Variants in GAS2L3 observed in about 807,000 individuals in gnomAD.
GAS2L3 encodes GAS2-like protein 3.
In GAS2L3, 28 loss-of-function variants were observed where a neutral mutation model predicts 37.0. The observed-to-expected ratio is 0.76, with a 90% CI of 0.56 to 1.04. The LOEUF (loss-of-function observed/expected upper bound fraction) is 1.04. GAS2L3 is among the 50% of genes least tolerant of loss of function. The pLI is 0.00. For missense variants in GAS2L3, 793 were observed against 817.6 expected (o/e 0.97, Z 0.37); for synonymous variants, 290 against 296.6 (o/e 0.98, Z 0.23).
chr12:100,589,754 C>A (rs1350177826), intron 1 of GAS2L3, among the ~76,000 whole-genome samples: 1 of 152,054 alleles, frequency 6.6e-6, no homozygotes, highest in African/African-American at 2.4e-5. Context: ...GAATAGAGAA[C>A]CCAGAAATAA....
At chr12:100,582,284 G>T (rs1955723125) in intron 1 of GAS2L3, among the ~76,000 whole-genome samples, 1 of 152,254 alleles carries the variant, frequency 6.6e-6, no homozygotes. Flanking sequence ...ATGTGACAAG[G>T]TCAGTTGATC....
At chr12:100,600,328 T>G (rs1955969260) in intron 3 of GAS2L3, 54 bp from the exon 4 acceptor site, 2 of 1,136,028 alleles carry the variant, frequency 1.8e-6, no homozygotes, top group Middle Eastern at 4.2e-4. Flanking sequence ...TGGATTATGA[T>G]GACTTTTAGC....
intron 1 of GAS2L3, among the ~76,000 whole-genome samples, chr12:100,575,001 CAG>C (rs1955617570): frequency 6.6e-6 from 1 of 151,480 alleles, no homozygotes; most frequent in African/African-American, 2.4e-5. Context: ...TTTAGCGTGA[CAG>C]AGTTGCTAAG....
At chr12:100,614,285 G>A (rs554286864) in intron 6 of GAS2L3, among the ~76,000 whole-genome samples, 17 of 152,036 alleles carry the variant, frequency 1.1e-4, no homozygotes, top group Non-Finnish European at 2.1e-4. Flanking sequence ...GCAACATGGC[G>A]AAACCCCGTC....
intron 3 of GAS2L3, among the ~76,000 whole-genome samples, chr12:100,599,537 T>TA (rs1217753881): frequency 6.6e-6 from 1 of 152,222 alleles, no homozygotes; most frequent in African/African-American, 2.4e-5. Flanking sequence ...AGACAAGATT[T>TA]GCCCCATGGA....
Position 100,624,036 on chromosome 12 carries a change from C to A in GAS2L3, c.1231C>A (p.Pro411Thr), listed in dbSNP as rs1490635633. 1 of 1,614,062 alleles carries A rather than the reference C, an allele frequency of 6.2e-7. No homozygotes were observed. Among genetic ancestry groups the A allele is most frequent in the Admixed American group, 1.7e-5 (1 of 60,000 alleles). ...ATCATCTTCACTTGCTTCATTAAAT[C>A]CAGTAGGTAAAAACACTTCTTCACC... ...NASSSLASLNPVGKNTSSPAL... is the reference protein window; with the variant it reads ...NASSSLASLNTVGKNTSSPAL... The change falls in exon 10 of 10, where the codon CCA becomes ACA. Residue 411 changes from proline to threonine, a missense_variant. Transcript: ENST00000547754.
Position 100,609,591 on chromosome 12 carries a change from G to C in GAS2L3, c.304-2409G>C, listed in dbSNP as rs1032323689. Among the ~76,000 whole-genome samples the C allele has an allele frequency of 3.3e-5, 5 of 152,194 alleles. No individual in the cohort carries two copies. In the South Asian group the frequency reaches 1.0e-3, roughly 32 times the overall value. On this transcript the variant is annotated intron_variant, in intron 5 of 9. Transcript: ENST00000547754. ...CCCTCCCCTCTGGTCCACTGGCTCT[G>C]TCTGAGTCCAGCTCAGCACTGGGCT...
At chr12:100,591,225 A>G (rs1275679018) in intron 1 of GAS2L3, among the ~76,000 whole-genome samples, 2 of 152,164 alleles carry the variant, frequency 1.3e-5, no homozygotes, top group Non-Finnish European at 1.5e-5. Flanking sequence ...TATGGCGTCT[A>G]GTTCAGTAAA....
intron 5 of GAS2L3, among the ~76,000 whole-genome samples, chr12:100,610,694 C>G (rs1391356617): frequency 3.3e-5 from 5 of 152,044 alleles, no homozygotes; most frequent in Admixed American, 2.6e-4. Flanking sequence ...GACTTAATAT[C>G]CTACTGTACC....
In GAS2L3 at chr12:100,625,112, T is replaced by TCTGGTAGTCCTAGGGCTGGGGCCGACA. The variant is rs1956319305; in HGVS notation, c.*222_*223insCTGGTAGTCCTAGGGCTGGGGCCGACA. 1 of 419,792 alleles carries TCTGGTAGTCCTAGGGCTGGGGCCGACA rather than the reference T, an allele frequency of 2.4e-6. No homozygotes were observed. The highest frequency in any genetic ancestry group is 2.0e-5 in the African/African-American group (1 of 50,502). The allele number at this position is 419,792 out of a possible 1,614,324, so 26.0% of individuals were successfully genotyped here. On this transcript the variant is annotated 3_prime_UTR_variant, in exon 10 of 10. Coordinates refer to ENST00000547754, the MANE Select transcript of GAS2L3 (RefSeq NM_174942.3). ...TTGTAAAATCACTGCAAGGTTTTTA[T>TCTGGTAGTCCTAGGGCTGGGGCCGACA]TAATAATAGACATGTATATGATTTT...
chr12:100,581,470 G>A (rs1257519017), intron 1 of GAS2L3, among the ~76,000 whole-genome samples: 1 of 152,192 alleles, frequency 6.6e-6, no homozygotes, highest in Admixed American at 6.5e-5. Flanking sequence ...GCACTAGATA[G>A]ATTCCGTCAG....
At position 100,627,600 on chromosome 12, in the gene GAS2L3, A is replaced by G. The variant is rs1475851676; in HGVS notation, c.*2710A>G. On this transcript the variant is annotated 3_prime_UTR_variant, in exon 10 of 10. Coordinates refer to ENST00000547754, the MANE Select transcript of GAS2L3 (RefSeq NM_174942.3). ...GCGAAAAGTTTTGTTTGAATAAACA[A>G]TATCCGAAAGACAATTAGTTTCTTC... 2 of 152,246 alleles carry G rather than the reference A, an allele frequency of 1.3e-5. No individual in the cohort carries two copies. Among genetic ancestry groups the G allele is most frequent in the African/African-American group, 2.4e-5 (1 of 41,468 alleles). 9.4% of individuals were successfully genotyped at this position (152,246 alleles called of 1,614,324 possible).
chr12:100,622,779 A>AAAAAAG (rs1956274729), intron 9 of GAS2L3, among the ~76,000 whole-genome samples: 1 of 125,376 alleles, frequency 8.0e-6, no homozygotes, highest in East Asian at 2.1e-4. Context: ...AAAAAAAAAA[A>AAAAAAG]AAAGAAAAGA....
At chr12:100,588,881 C>T (rs1955812480) in intron 1 of GAS2L3, among the ~76,000 whole-genome samples, 1 of 152,144 alleles carries the variant, frequency 6.6e-6, no homozygotes. Context: ...TTTTGCCTGA[C>T]CCCACGGGCA....
intron 1 of GAS2L3, among the ~76,000 whole-genome samples, chr12:100,590,025 C>A (rs1955827289): frequency 6.6e-6 from 1 of 152,128 alleles, no homozygotes; most frequent in African/African-American, 2.4e-5. Context: ...GACCAAGAAC[C>A]CAAAAGCAAA....
At chr12:100,598,615 G>C (rs1197663473) in intron 3 of GAS2L3, among the ~76,000 whole-genome samples, 1 of 152,000 alleles carries the variant, frequency 6.6e-6, no homozygotes, top group East Asian at 1.9e-4. Context: ...TCCCATTCTT[G>C]TTAAAATTTC....
intron 5 of GAS2L3, among the ~76,000 whole-genome samples, chr12:100,607,673 T>C (rs1956073981): frequency 6.6e-6 from 1 of 151,990 alleles, no homozygotes; most frequent in Admixed American, 6.6e-5. Context: ...GCTCAGTAAT[T>C]CTTTCTTCTG....
chr12:100,607,460 T>G (rs908686736), intron 5 of GAS2L3, among the ~76,000 whole-genome samples: 1 of 152,142 alleles, frequency 6.6e-6, no homozygotes, highest in African/African-American at 2.4e-5. Flanking sequence ...TATTGGTATC[T>G]TTCTCTAGGT....
intron 8 of GAS2L3, among the ~76,000 whole-genome samples, chr12:100,619,951 C>T (rs1956233415): frequency 6.6e-6 from 1 of 151,882 alleles, no homozygotes; most frequent in Non-Finnish European, 1.5e-5. Context: ...ACCATTTGCC[C>T]CACTAGCAAG....
Sources: allele counts gnomAD v4.1 joint callset (sites outside exome capture counted in the v4.1 genomes callset), GRCh38; gene constraint gnomAD v4.1.1; transcripts MANE v1.5; gene names NCBI Gene and HGNC (gene_info 2026-07-23, HGNC 2026-07-21).